LYPLAL1: variants seen among roughly 807,000 people sequenced by gnomAD.
The protein encoded by LYPLAL1 is lysophospholipase like 1.
Under a neutral mutation model 19.7 loss-of-function variants are expected in LYPLAL1, and 23 were observed. The ratio of observed to expected loss-of-function variants is 1.17; its 90% CI spans 0.84 to 1.65. The LOEUF (loss-of-function observed/expected upper bound fraction) is 1.65. Ranked by LOEUF, LYPLAL1 falls within the 40% of genes most tolerant of loss-of-function variation. LYPLAL1 has a pLI of 0.00. For synonymous variants in LYPLAL1, 119 were observed against 96.3 expected (o/e 1.24, Z -1.38); for missense variants, 355 against 279.4 (o/e 1.27, Z -1.93).
intron 4 of LYPLAL1, among the ~76,000 whole-genome samples, chr1:219,211,175 C>T (rs919133349): frequency 7.2e-5 from 11 of 152,108 alleles, no homozygotes; most frequent in Admixed American, 7.2e-4. Context: ...ACTCCTCCCT[C>T]CTTCCACATT....
chr1:219,271,444 A>G, the LYPLAL1 span: 1 of 151,616 alleles, frequency 6.6e-6, no homozygotes, highest in African/African-American at 2.4e-5. Flanking sequence ...TAACTAAAAG[A>G]CCGGCTCCGT....
the LYPLAL1 span, among the ~76,000 whole-genome samples, chr1:219,266,314 CACAA>C: frequency 1.3e-5 from 2 of 152,000 alleles, no homozygotes. Flanking sequence ...AAAACAAAGA[CACAA>C]ACACACACAT....
chr1:219,412,574 C>G, the LYPLAL1 span, among the ~76,000 whole-genome samples: 2 of 152,184 alleles, frequency 1.3e-5, no homozygotes. Context: ...TAAATGTCTG[C>G]TATTATTGCT....
At chr1:219,237,301 G>A in the LYPLAL1 span, among the ~76,000 whole-genome samples, 1 of 152,068 alleles carries the variant, frequency 6.6e-6, no homozygotes, top group Non-Finnish European at 1.5e-5. Flanking sequence ...TCAGTGCAAC[G>A]GAAATGTATC....
At chr1:219,403,725 C>T in the LYPLAL1 span, among the ~76,000 whole-genome samples, 2 of 152,102 alleles carry the variant, frequency 1.3e-5, no homozygotes, top group Middle Eastern at 3.2e-3. Context: ...AAGACTGTTG[C>T]GTTAATTCCT....
the LYPLAL1 span, among the ~76,000 whole-genome samples, chr1:219,278,020 A>C: frequency 6.6e-6 from 1 of 152,238 alleles, no homozygotes; most frequent in Admixed American, 6.5e-5. Context: ...GTTCAAACCG[A>C]TCACAATTTC....
the LYPLAL1 span, among the ~76,000 whole-genome samples, chr1:219,349,613 G>A: frequency 6.6e-6 from 1 of 152,138 alleles, no homozygotes; most frequent in Non-Finnish European, 1.5e-5. Context: ...GTGTACTCAT[G>A]TGCATATGTG....
chr1:219,360,991 CTT>C, the LYPLAL1 span, among the ~76,000 whole-genome samples: 1 of 152,160 alleles, frequency 6.6e-6, no homozygotes, highest in Non-Finnish European at 1.5e-5. Flanking sequence ...TATGAAGACT[CTT>C]TAACACTAAA....
chr1:219,396,077 T>G, the LYPLAL1 span, among the ~76,000 whole-genome samples: 1 of 143,462 alleles, frequency 7.0e-6, no homozygotes, highest in Non-Finnish European at 1.5e-5. Flanking sequence ...TACTCTAGCC[T>G]GGGTGACAGA....
the LYPLAL1 span, among the ~76,000 whole-genome samples, chr1:219,319,922 T>C: frequency 5.9e-5 from 9 of 152,226 alleles, no homozygotes; most frequent in Non-Finnish European, 1.0e-4. Context: ...TTAACTAGTC[T>C]TATAATCCAG....
At chr1:219,425,298 A>G in the LYPLAL1 span, among the ~76,000 whole-genome samples, 1 of 152,152 alleles carries the variant, frequency 6.6e-6, no homozygotes, top group African/African-American at 2.4e-5. Context: ...TTTGGGGGAG[A>G]CATAAACACT....
intron 3 of LYPLAL1, 71 bp downstream of exon 3, chr1:219,193,322 G>A: frequency 7.9e-7 from 1 of 1,259,988 alleles, no homozygotes; most frequent in Non-Finnish European, 1.1e-6. Context: ...AATCTTACTT[G>A]GAACATTATT....
the LYPLAL1 span, among the ~76,000 whole-genome samples, chr1:219,335,222 C>T: frequency 6.6e-6 from 1 of 151,928 alleles, no homozygotes; most frequent in South Asian, 2.1e-4. Flanking sequence ...TATCTTGAAT[C>T]AATTCCATCG....
At chr1:219,436,649 T>C in the LYPLAL1 span, among the ~76,000 whole-genome samples, 25 of 152,234 alleles carry the variant, frequency 1.6e-4, no homozygotes, top group African/African-American at 6.0e-4. Context: ...GGGCTCAGAT[T>C]TGGGGTTCCT....
chr1:219,202,736 GGCGTGA>G (rs1237202752), intron 3 of LYPLAL1, among the ~76,000 whole-genome samples: 1 of 151,974 alleles, frequency 6.6e-6, no homozygotes, highest in Non-Finnish European at 1.5e-5. Context: ...GAAGTGCAGT[GGCGTGA>G]TCATAGCTCA....
At chr1:219,343,852 A>T in the LYPLAL1 span, among the ~76,000 whole-genome samples, 2 of 140,300 alleles carry the variant, frequency 1.4e-5, no homozygotes, top group Non-Finnish European at 3.1e-5. Context: ...ATATCTACCC[A>T]CTATCCAACC....
chr1:219,436,489 A>G, the LYPLAL1 span, among the ~76,000 whole-genome samples: 4 of 152,066 alleles, frequency 2.6e-5, no homozygotes, highest in Non-Finnish European at 4.4e-5. Flanking sequence ...TTGGCACTCC[A>G]CCTATTGTAC....
At position 219,184,428 on chromosome 1, in the gene LYPLAL1, A is replaced by G. The variant is rs141501706; in HGVS notation, c.191+5182A>G. Among the ~76,000 whole-genome samples the G allele has an allele frequency of 2.4e-3, 363 of 151,922 alleles. 8 individuals carry two copies. The South Asian group carries it at 0.039, about 16-fold the overall frequency. ...CTAGTACTTACTTAGTATATTCCTTATGAATTTCGTGTGTGCATTTTATTT... is the reference window on the plus strand; with the variant it reads ...CTAGTACTTACTTAGTATATTCCTTGTGAATTTCGTGTGTGCATTTTATTT... On this transcript the variant is annotated intron_variant, in intron 2 of 4. Transcript: ENST00000366928.
chr1:219,363,118 C>T, the LYPLAL1 span, among the ~76,000 whole-genome samples: 1 of 152,016 alleles, frequency 6.6e-6, no homozygotes, highest in African/African-American at 2.4e-5. Context: ...GAATTAAAAA[C>T]GTGGCCAAAA....
Sources: allele counts gnomAD v4.1 joint callset (sites outside exome capture counted in the v4.1 genomes callset), GRCh38; gene constraint gnomAD v4.1.1; transcripts MANE v1.5; gene names NCBI Gene and HGNC (gene_info 2026-07-23, HGNC 2026-07-21).